The following APBB1IP variants were observed in gnomAD, a reference collection of about 807,000 sequenced individuals.
The protein encoded by APBB1IP is amyloid beta precursor protein binding family B member 1 interacting protein.
A neutral mutation model predicts 64.9 loss-of-function variants in APBB1IP; 27 were observed. The observed-to-expected ratio is 0.42, with a 90% CI of 0.31 to 0.57. The LOEUF (loss-of-function observed/expected upper bound fraction) is 0.57, where lower values mean the gene tolerates loss of function less well. Ranked by LOEUF, APBB1IP falls within the 20% of genes least tolerant of loss-of-function variation. APBB1IP has a pLI of 0.20. For synonymous variants in APBB1IP, 392 were observed against 331.0 expected, an observed-to-expected ratio of 1.18 and a Z score of -2.00; for missense variants, 812 against 845.5, an observed-to-expected ratio of 0.96 and a Z score of 0.49.
intron 2 of APBB1IP, among the ~76,000 whole-genome samples, chr10:26,449,980 T>C (rs1447419523): frequency 6.6e-6 from 1 of 151,928 alleles, no homozygotes; most frequent in Non-Finnish European, 1.5e-5. Flanking sequence ...TACTCCAACC[T>C]GGGTGACAGA....
intron 2 of APBB1IP, among the ~76,000 whole-genome samples, chr10:26,470,879 C>T (rs1835708293): frequency 6.6e-6 from 1 of 152,138 alleles, no homozygotes; most frequent in African/African-American, 2.4e-5. Flanking sequence ...TCTCACCAAC[C>T]TCAGCCTGCG....
In APBB1IP at chr10:26,500,923, T is replaced by A. The variant is rs1455780821; in HGVS notation, c.265T>A (p.Ser89Thr). Residue 89 changes from serine (S) to threonine (T), a missense_variant, in exon 5 of 15, where the codon TCC becomes ACC. Physicochemically the swap from Ser to Thr is moderately conservative, Grantham distance 58. This residue lies in a region of APBB1IP where 394 missense variants were observed against 413.1 expected (regional missense o/e 0.95). Coordinates refer to ENST00000376236, the MANE Select transcript of APBB1IP (RefSeq NM_019043.4). ...GAGGACAATCCAGGCACAGAAAGAG[T>A]CCTTGCAGAATCAACATCATTCAGC... The part of the protein sequence containing the change: ...EQRTIQAQKE[S>T]LQNQHHSASL... 4.3e-6 allele frequency: 7 copies of A among 1,613,766 alleles called. No homozygotes were observed. Among genetic ancestry groups the A allele is most frequent in the Non-Finnish European group, 5.9e-6 (7 of 1,179,960 alleles).
intron 6 of APBB1IP, among the ~76,000 whole-genome samples, chr10:26,504,988 T>C (rs1041314770): frequency 2.0e-5 from 3 of 152,128 alleles, no homozygotes; most frequent in African/African-American, 7.2e-5. Flanking sequence ...ACTCCTAGGC[T>C]CAAGCGCGCC....
At chr10:26,473,347 C>A (rs1835741553) in intron 2 of APBB1IP, among the ~76,000 whole-genome samples, 1 of 152,208 alleles carries the variant, frequency 6.6e-6, no homozygotes, top group Non-Finnish European at 1.5e-5. Flanking sequence ...TCTCTCTTGA[C>A]TTTGAAAATT....
chr10:26,560,685 G>T (rs375584991), intron 12 of APBB1IP, 45 bp from the exon 13 acceptor site: 45 of 1,396,518 alleles, frequency 3.2e-5, no homozygotes, highest in Non-Finnish European at 4.2e-5. Flanking sequence ...GCAGAATTTG[G>T]GATACATGGA....
At chr10:26,442,629 T>A (rs555428456) in intron 2 of APBB1IP, among the ~76,000 whole-genome samples, 83 of 152,330 alleles carry the variant, frequency 5.4e-4, no homozygotes, top group African/African-American at 1.9e-3. Flanking sequence ...ATGACTAGAT[T>A]CATTTCTTCC....
At chr10:26,507,301 G>A (rs1221935145) in intron 6 of APBB1IP, among the ~76,000 whole-genome samples, 1 of 152,230 alleles carries the variant, frequency 6.6e-6, no homozygotes, top group East Asian at 1.9e-4. Context: ...AGACCAGCCT[G>A]GGCAACATAG....
intron 8 of APBB1IP, among the ~76,000 whole-genome samples, chr10:26,528,925 A>T (rs1439772550): frequency 6.6e-6 from 1 of 152,216 alleles, no homozygotes; most frequent in Non-Finnish European, 1.5e-5. Context: ...TGACAGAGTG[A>T]GATATGTCCC....
rs1837059625 is a variant in APBB1IP, at chr10:26,567,177, G to A, written c.1690G>A (p.Asp564Asn). ...LPPPPPPPPL[D>N]DPELPPPPPD... ...GCCGCCGCCACCGCCGCCGCCCCTC[G>A]ATGACCCTGAGCTCCCGCCGCCGCC... Residue 564 changes from aspartate to asparagine, a missense_variant, in exon 15 of 15, where the codon GAT becomes AAT. Transcript: ENST00000376236. 4 of 1,413,668 alleles carry A rather than the reference G, an allele frequency of 2.8e-6. No homozygotes were observed. The highest frequency in any genetic ancestry group is 5.9e-5 in the Admixed American group (2 of 34,036). The allele number at this position is 1,413,668 out of a possible 1,614,324, so 87.6% of individuals were successfully genotyped here. A position where few individuals can be genotyped will look rare whatever the true frequency, so the allele number is the denominator to read the frequency against.
intron 11 of APBB1IP, among the ~76,000 whole-genome samples, chr10:26,547,175 TTGGCCCTG>T (rs1836776261): frequency 6.6e-6 from 1 of 152,242 alleles, no homozygotes; most frequent in South Asian, 2.1e-4. Flanking sequence ...TAAATTCCTA[TTGGCCCTG>T]TGTATGTCTT....
At chr10:26,511,945 C>T (rs1219591098) in intron 7 of APBB1IP, 39 bp downstream of exon 7, 1 of 1,607,358 alleles carries the variant, frequency 6.2e-7, no homozygotes, top group Admixed American at 1.7e-5. Context: ...ACTCCAAAAA[C>T]CTTGTGGGTT....
chr10:26,459,059 A>T (rs1345945614), intron 2 of APBB1IP, among the ~76,000 whole-genome samples: 1 of 149,958 alleles, frequency 6.7e-6, no homozygotes, highest in African/African-American at 2.5e-5. Flanking sequence ...ATTTAGCATT[A>T]GGTATATCTC....
chr10:26,526,445 G>T (rs1434193426), intron 8 of APBB1IP, among the ~76,000 whole-genome samples: 2 of 152,158 alleles, frequency 1.3e-5, no homozygotes, highest in South Asian at 4.1e-4. Flanking sequence ...ATCTGGCCAG[G>T]CATGGTGGCT....
intron 8 of APBB1IP, among the ~76,000 whole-genome samples, chr10:26,528,044 C>T (rs1836500299): frequency 1.3e-5 from 2 of 152,108 alleles, no homozygotes; most frequent in Admixed American, 6.6e-5. Context: ...ATATTCTTCC[C>T]ACGGTCAATG....
intron 14 of APBB1IP, among the ~76,000 whole-genome samples, chr10:26,566,708 A>G (rs1837049078): frequency 1.3e-5 from 2 of 151,974 alleles, no homozygotes; most frequent in South Asian, 4.1e-4. Context: ...AGACTCACAT[A>G]TCTATGGCAT....
Position 26,536,191 on chromosome 10 carries a change from T to C in APBB1IP, c.1018T>C (p.Tyr340His). 1 of 1,597,866 alleles carries C rather than the reference T, an allele frequency of 6.3e-7. No homozygotes were observed. The highest frequency in any genetic ancestry group is 8.5e-7 in the Non-Finnish European group (1 of 1,175,144). Residue 340 changes from tyrosine to histidine, a missense_variant, in exon 10 of 15, where the codon TAT (tyrosine) becomes CAT (histidine). This residue lies in a region of APBB1IP where 394 missense variants were observed against 413.1 expected (regional missense o/e 0.95). Transcript: ENST00000376236. ...TTTTCTTTTACGGGCTTCTGGAATT[T>C]ATTATGTACCCAAAGGAAAGACTAA... The part of the protein sequence containing the change: ...RYFLLRASGI[Y>H]YVPKGKTKTS...
chr10:26,512,169 T>A lies in APBB1IP; in HGVS notation c.691+263T>A, dbSNP rs554556600. On this transcript the variant is annotated intron_variant, in intron 7 of 14. Coordinates refer to ENST00000376236, the MANE Select transcript of APBB1IP (RefSeq NM_019043.4). ...GAAGACTTTGGTTCAAGGCTTTCAATTCCCTTATATGAGATTTAGTGCTTG... is the reference window on the plus strand; with the variant it reads ...GAAGACTTTGGTTCAAGGCTTTCAAATCCCTTATATGAGATTTAGTGCTTG... Among the ~76,000 whole-genome samples the A allele has an allele frequency of 8.5e-5, 13 of 152,308 alleles. 1 individual carries two copies. The South Asian group carries it at 2.7e-3, about 32-fold the overall frequency.
At chr10:26,512,551 GA>G (rs1170637724) in intron 7 of APBB1IP, among the ~76,000 whole-genome samples, 1 of 151,940 alleles carries the variant, frequency 6.6e-6, no homozygotes, top group Non-Finnish European at 1.5e-5. Flanking sequence ...GACACTGATG[GA>G]ATTTTTCAAA....
rs995902351 is a variant in APBB1IP, at chr10:26,444,028, C to T, written c.-1+5175C>T. Among the ~76,000 whole-genome samples the T allele has an allele frequency of 2.0e-5, 3 of 152,030 alleles. 1 individual carries two copies. The highest frequency in any genetic ancestry group is 4.1e-4 in the South Asian group (2 of 4,830). The stretch of plus-strand genomic sequence containing the variant: ...AGTAAATAATATAGGTATTAGTAAG[C>T]GAAAAGCAAGGTGAAGTTGCAATAT... On this transcript the variant is annotated intron_variant, in intron 2 of 14. Coordinates refer to ENST00000376236, the MANE Select transcript of APBB1IP (RefSeq NM_019043.4).
Sources: gnomAD v4.1 joint callset for allele counts (sites outside exome capture counted in the v4.1 genomes callset) on GRCh38, gnomAD v4.1.1 for gene constraint, gnomAD v4.1.1 regional missense constraint, MANE v1.5 for transcripts, NCBI Gene and HGNC (gene_info 2026-07-23, HGNC 2026-07-21) for gene names.